Variants in SEC24B observed in about 807,000 individuals in gnomAD.
SEC24B encodes SEC24 homolog B, COPII component.
Under a neutral mutation model 142.8 loss-of-function variants are expected in SEC24B, and 45 were observed. The ratio of observed to expected loss-of-function variants is 0.32; its 90% CI spans 0.25 to 0.40. The LOEUF (loss-of-function observed/expected upper bound fraction) is 0.40. Ranked by LOEUF, SEC24B falls within the 10% of genes least tolerant of loss-of-function variation. SEC24B has a pLI of 1.00. For missense variants in SEC24B, 1,409 were observed against 1,526.8 expected (o/e 0.92, Z 1.29); for synonymous variants, 574 against 568.2 (o/e 1.01, Z -0.15).
At chr4:109,502,479 G>A (rs1372688837) in intron 6 of SEC24B, among the ~76,000 whole-genome samples, 1 of 152,202 alleles carries the variant, frequency 6.6e-6, no homozygotes, top group African/African-American at 2.4e-5. Context: ...TTGTGCTAAG[G>A]TAGTATCATG....
chr4:109,471,471 C>G (rs901534956), intron 2 of SEC24B, among the ~76,000 whole-genome samples: 1 of 152,112 alleles, frequency 6.6e-6, no homozygotes, highest in Non-Finnish European at 1.5e-5. Context: ...ATATCTTTCT[C>G]AGTTTTTACT....
intron 2 of SEC24B, among the ~76,000 whole-genome samples, chr4:109,466,638 C>G (rs1171515844): frequency 6.6e-6 from 1 of 152,180 alleles, no homozygotes; most frequent in Non-Finnish European, 1.5e-5. Context: ...TCTTGATCTC[C>G]TGACCTTGTG....
chr4:109,494,608 T>A lies in SEC24B; in HGVS notation c.1247-7T>A. On this transcript the variant is annotated splice_polypyrimidine_tract_variant and splice_region_variant and intron_variant, in intron 5 of 23. Coordinates refer to ENST00000265175, the MANE Select transcript of SEC24B (RefSeq NM_006323.5). The stretch of plus-strand genomic sequence containing the variant: ...AGTTGTTAACACCATGTGTTTCCAT[T>A]TTTTAGATATGCTTTCTTCATCAGC... 1 of 1,613,732 alleles carries A rather than the reference T, an allele frequency of 6.2e-7. No homozygotes were observed. Among genetic ancestry groups the A allele is most frequent in the Non-Finnish European group, 8.5e-7 (1 of 1,179,994 alleles).
intron 5 of SEC24B, 46 bp from the exon 6 acceptor site, chr4:109,494,569 G>A: frequency 1.9e-6 from 3 of 1,608,270 alleles, no homozygotes; most frequent in Non-Finnish European, 2.5e-6. Flanking sequence ...AGTCTTTGTG[G>A]AGTCTTGATT....
chr4:109,444,630 A>G (rs1298620506), intron 1 of SEC24B, among the ~76,000 whole-genome samples: 1 of 152,126 alleles, frequency 6.6e-6, no homozygotes, highest in Non-Finnish European at 1.5e-5. Flanking sequence ...ACTGAGACAG[A>G]TATGTCCTGG....
intron 8 of SEC24B, among the ~76,000 whole-genome samples, chr4:109,511,510 G>A (rs1175378172): frequency 6.6e-6 from 1 of 152,082 alleles, no homozygotes; most frequent in East Asian, 1.9e-4. Context: ...CCCAAACTAA[G>A]CATAGAGATG....
intron 1 of SEC24B, 147 bp downstream of exon 1, chr4:109,434,149 C>T (rs577065985): frequency 1.1e-5 from 5 of 465,234 alleles, no homozygotes; most frequent in Non-Finnish European, 1.4e-5. Context: ...GTGCGGAGGC[C>T]GCGGGGTCCG....
chr4:109,465,719 G>A (rs964390549), intron 2 of SEC24B, among the ~76,000 whole-genome samples: 5 of 152,158 alleles, frequency 3.3e-5, no homozygotes, highest in Admixed American at 2.0e-4. Flanking sequence ...AGGGAAATAT[G>A]GGGTCACTTG....
At chr4:109,476,421 A>G (rs1321065612) in intron 3 of SEC24B, among the ~76,000 whole-genome samples, 1 of 152,156 alleles carries the variant, frequency 6.6e-6, no homozygotes, top group Admixed American at 6.5e-5. Context: ...TCCTCTCCCC[A>G]CTATAGTTTT....
intron 7 of SEC24B, among the ~76,000 whole-genome samples, chr4:109,507,494 G>A (rs186192362): frequency 6.6e-6 from 1 of 152,098 alleles, no homozygotes; most frequent in Non-Finnish European, 1.5e-5. Context: ...GACTGTTCTC[G>A]AACTCCTGAC....
intron 1 of SEC24B, among the ~76,000 whole-genome samples, chr4:109,454,848 C>G (rs2125916624): frequency 6.6e-6 from 1 of 152,308 alleles, no homozygotes; most frequent in Middle Eastern, 3.4e-3. Context: ...GTCATAAGAC[C>G]CCTATTCCAG....
chr4:109,501,324 CTG>C (rs1275493505), intron 6 of SEC24B, among the ~76,000 whole-genome samples: 4 of 152,192 alleles, frequency 2.6e-5, no homozygotes, highest in Non-Finnish European at 5.9e-5. Context: ...TGAGTACACT[CTG>C]TGATGTTTGC....
chr4:109,474,668 G>A (rs1021118169), intron 3 of SEC24B, among the ~76,000 whole-genome samples: 4 of 151,922 alleles, frequency 2.6e-5, no homozygotes, highest in Non-Finnish European at 4.4e-5. Context: ...CAGGTGATCC[G>A]CCCACCTTGG....
chr4:109,502,259 A>T (rs1284741250), intron 6 of SEC24B, among the ~76,000 whole-genome samples: 1 of 152,222 alleles, frequency 6.6e-6, no homozygotes, highest in Non-Finnish European at 1.5e-5. Context: ...GAGCTAAAGG[A>T]CCACAGTCAG....
chr4:109,433,838 G>A lies in SEC24B; in HGVS notation c.-32G>A, dbSNP rs1192313302. On this transcript the variant is annotated 5_prime_UTR_variant, in exon 1 of 24. Transcript: ENST00000265175. ...TTCCCTTCCCTCCGCCCACCTCCCT[G>A]AAGCGGAGCCGCCGTCGCCACCAGC... 3.1e-6 allele frequency: 4 copies of A among 1,277,232 alleles called. No homozygotes were observed. In the African/African-American group the frequency reaches 6.3e-5, roughly 20 times the overall value. The allele number at this position is 1,277,232 out of a possible 1,614,324, so 79.1% of individuals were successfully genotyped here. A position where few individuals can be genotyped will look rare whatever the true frequency, so the allele number is the denominator to read the frequency against.
rs1277645536 is a variant in SEC24B at position 109,463,481 on chromosome 4, G to A, written c.714G>A (p.Ser238=). 4.3e-6 allele frequency: 7 copies of A among 1,614,004 alleles called. No individual in the cohort carries two copies. The South Asian group carries it at 4.4e-5, about 10-fold the overall frequency. The change falls in exon 2 of 24, where the codon TCG becomes TCA. Residue 238 remains serine (S), a synonymous_variant. Transcript: ENST00000265175. The part of the protein sequence containing the change: ...SGQNTAISHP[S]PLPPLPSQQH... ...AAAATACAGCTATCAGCCATCCATC[G>A]CCACTTCCACCTCTACCATCACAAC... is the stretch of plus-strand genomic sequence containing the variant.
At chr4:109,494,972 C>T in intron 6 of SEC24B, 116 bp downstream of exon 6, 2 of 1,236,184 alleles carry the variant, frequency 1.6e-6, no homozygotes, top group Non-Finnish European at 2.3e-6. Context: ...TACATGTCAG[C>T]CTAGATCAAA....
intron 1 of SEC24B, among the ~76,000 whole-genome samples, chr4:109,440,905 C>G (rs1728873824): frequency 6.6e-6 from 1 of 152,210 alleles, no homozygotes; most frequent in South Asian, 2.1e-4. Flanking sequence ...GTATTTAAGG[C>G]TCAATCACTA....
At chr4:109,528,758 A>C (rs950504753) in intron 18 of SEC24B, among the ~76,000 whole-genome samples, 5 of 152,228 alleles carry the variant, frequency 3.3e-5, no homozygotes, top group Non-Finnish European at 7.3e-5. Flanking sequence ...TTAGACATGA[A>C]ACAAGCCTTG....
Sources: gnomAD v4.1 joint callset for allele counts (sites outside exome capture counted in the v4.1 genomes callset) on GRCh38, gnomAD v4.1.1 for gene constraint, MANE v1.5 for transcripts, NCBI Gene and HGNC (gene_info 2026-07-23, HGNC 2026-07-21) for gene names.